The following DGKI variants were observed in gnomAD, a reference collection of about 807,000 sequenced individuals.
DGKI encodes the protein diacylglycerol kinase iota.
DGKI carries 55 observed loss-of-function variants against 147.5 expected under a neutral mutation model. The observed-to-expected ratio is 0.37, with a 90% CI of 0.30 to 0.47. DGKI has a LOEUF of 0.47. Among genes scored for constraint, DGKI ranks in the 20% least tolerant of loss-of-function variants. The probability of loss-of-function intolerance (pLI) is 1.00; values close to 1 mark genes in which losing one functional copy is unlikely to be tolerated. For missense variants in DGKI, 1,007 were observed against 1,323.8 expected (o/e 0.76, Z 3.71); for synonymous variants, 469 against 477.1 (o/e 0.98, Z 0.22).
chr7:137,735,491 A>G (rs1443508869), intron 1 of DGKI, among the ~76,000 whole-genome samples: 1 of 152,102 alleles, frequency 6.6e-6, no homozygotes, highest in Non-Finnish European at 1.5e-5. Flanking sequence ...CTGGTGTACA[A>G]GCATTTACCA....
chr7:137,747,681 A>G (rs1442619906), intron 1 of DGKI, among the ~76,000 whole-genome samples: 1 of 152,046 alleles, frequency 6.6e-6, no homozygotes, highest in Non-Finnish European at 1.5e-5. Context: ...TTGTCCAATT[A>G]TTTGTTCAAG....
chr7:137,483,769 C>T (rs1032111199), intron 23 of DGKI, among the ~76,000 whole-genome samples: 11 of 152,188 alleles, frequency 7.2e-5, no homozygotes, highest in Admixed American at 5.2e-4. Context: ...GTGCAAAGAA[C>T]GTGATCTCAT....
intron 1 of DGKI, among the ~76,000 whole-genome samples, chr7:137,795,308 T>A (rs1221271941): frequency 6.6e-6 from 1 of 152,178 alleles, no homozygotes. Flanking sequence ...ACCAGTGGCC[T>A]AGTAGCTATT....
chr7:137,459,108 T>C (rs1266825519), intron 27 of DGKI, among the ~76,000 whole-genome samples: 1 of 152,228 alleles, frequency 6.6e-6, no homozygotes, highest in East Asian at 1.9e-4. Flanking sequence ...AAAATTATAA[T>C]GCTTCTAAAT....
intron 3 of DGKI, among the ~76,000 whole-genome samples, chr7:137,662,970 C>A (rs756366305): frequency 6.6e-6 from 1 of 152,098 alleles, no homozygotes; most frequent in Non-Finnish European, 1.5e-5. Context: ...AAGGATACAC[C>A]AAAATACTCA....
intron 24 of DGKI, among the ~76,000 whole-genome samples, chr7:137,468,245 G>A (rs928894046): frequency 6.6e-6 from 1 of 152,138 alleles, no homozygotes; most frequent in African/African-American, 2.4e-5. Flanking sequence ...CTGCCTTGGA[G>A]AAATTCACTC....
intron 1 of DGKI, among the ~76,000 whole-genome samples, chr7:137,761,260 C>G (rs1050993236): frequency 2.6e-5 from 4 of 152,202 alleles, no homozygotes; most frequent in Non-Finnish European, 4.4e-5. Context: ...TGTTTCCTAA[C>G]AAGTGATTGT....
At chr7:137,437,131 T>C (rs1013270528) in intron 28 of DGKI, among the ~76,000 whole-genome samples, 23 of 152,304 alleles carry the variant, frequency 1.5e-4, no homozygotes, top group Non-Finnish European at 2.5e-4. Flanking sequence ...TACTAGTCAA[T>C]ACTGCACTGA....
intron 23 of DGKI, among the ~76,000 whole-genome samples, chr7:137,471,439 G>A (rs1029640524): frequency 6.6e-6 from 1 of 152,156 alleles, no homozygotes; most frequent in Admixed American, 6.6e-5. Flanking sequence ...ACTTTCCTGG[G>A]AGTTAATCAA....
intron 3 of DGKI, among the ~76,000 whole-genome samples, chr7:137,665,746 T>C (rs1036757861): frequency 2.0e-5 from 3 of 152,130 alleles, no homozygotes; most frequent in African/African-American, 7.2e-5. Context: ...TGTTGTTGTT[T>C]GAACCAGAAA....
At chr7:137,606,702 T>C (rs1186454121) in intron 10 of DGKI, among the ~76,000 whole-genome samples, 1 of 152,228 alleles carries the variant, frequency 6.6e-6, no homozygotes, top group Non-Finnish European at 1.5e-5. Context: ...CTAGTTTCCA[T>C]TGCATAAATC....
chr7:137,400,909 A>T (rs1811734143), intron 30 of DGKI, among the ~76,000 whole-genome samples: 1 of 152,222 alleles, frequency 6.6e-6, no homozygotes, highest in African/African-American at 2.4e-5. Flanking sequence ...CAGCCAGCTG[A>T]CTACAGATGG....
At chr7:137,589,656 A>G (rs1819537506) in intron 12 of DGKI, among the ~76,000 whole-genome samples, 1 of 152,206 alleles carries the variant, frequency 6.6e-6, no homozygotes, top group South Asian at 2.1e-4. Flanking sequence ...AAGGGGTCTT[A>G]AAGGCCATAA....
chr7:137,773,295 A>C (rs531586070), intron 1 of DGKI, among the ~76,000 whole-genome samples: 125 of 152,356 alleles, frequency 8.2e-4, no homozygotes, highest in Non-Finnish European at 1.5e-3. Flanking sequence ...CTCTGCAAAG[A>C]CATGACACTT....
chr7:137,508,063 C>T (rs1585181879), intron 21 of DGKI, among the ~76,000 whole-genome samples: 1 of 151,850 alleles, frequency 6.6e-6, no homozygotes, highest in African/African-American at 2.4e-5. Context: ...AGGCTAAGAC[C>T]AGAGGTTTGA....
At chr7:137,621,575 C>T (rs1271970851) in intron 7 of DGKI, among the ~76,000 whole-genome samples, 2 of 152,172 alleles carry the variant, frequency 1.3e-5, no homozygotes, top group Admixed American at 6.5e-5. Flanking sequence ...AACATATCAA[C>T]CGCTGTAATT....
chr7:137,421,499 C>T lies in DGKI; in HGVS notation c.2762-9292G>A, dbSNP rs143913013. 3.9e-3 allele frequency among the ~76,000 whole-genome samples: 592 copies of T among 152,270 alleles called. 4 individuals carry two copies. The highest frequency in any genetic ancestry group is 0.012 in the African/African-American group (510 of 41,556). On this transcript the variant is annotated intron_variant, in intron 28 of 32. Transcript: ENST00000614521. ...GTTTGGAGAAAAAACAAACAGCCTC[C>T]GTCTAGTGTTCCCTCCTGGCAGAAA...
Position 137,552,417 on chromosome 7 carries a change from T to C in DGKI, c.2099A>G (p.Asn700Ser), listed in dbSNP as rs1563081410. The change falls in exon 20 of 33, where the codon AAC becomes AGC. Residue 700 changes from asparagine (N) to serine (S), a missense_variant. Transcript: ENST00000614521. ...MIRISLRNQA[N>S]MVQKSKRRTS... ...TCTCCTCTTGCTCTTCTGTACCATG[T>C]TGGCCTGATTCCTCAGGGAGATCCG... 4 of 1,614,000 alleles carry C rather than the reference T, an allele frequency of 2.5e-6. No individual in the cohort carries two copies. The South Asian group carries it at 3.3e-5, about 13-fold the overall frequency.
chr7:137,543,684 C>G (rs918148681), intron 20 of DGKI, among the ~76,000 whole-genome samples: 2 of 152,048 alleles, frequency 1.3e-5, no homozygotes, highest in East Asian at 1.9e-4. Flanking sequence ...TAGATAGCAA[C>G]CCCCTTCCCC....
Sources: allele counts gnomAD v4.1 joint callset (sites outside exome capture counted in the v4.1 genomes callset), GRCh38; gene constraint gnomAD v4.1.1; transcripts MANE v1.5; gene names NCBI Gene and HGNC (gene_info 2026-07-23, HGNC 2026-07-21).